ARMC9: variants seen among roughly 807,000 people sequenced by gnomAD.
ARMC9 encodes lisH domain-containing protein ARMC9.
Under a neutral mutation model 107.0 loss-of-function variants are expected in ARMC9, and 94 were observed. The ratio of observed to expected loss-of-function variants is 0.88; its 90% CI spans 0.74 to 1.04. ARMC9 has a LOEUF of 1.04. Ranked by LOEUF, ARMC9 falls within the 50% of genes least tolerant of loss-of-function variation. ARMC9 has a pLI of 0.00. For missense variants in ARMC9, 942 were observed against 1,030.1 expected (o/e 0.91, Z 1.17); for synonymous variants, 380 against 396.9 (o/e 0.96, Z 0.51).
At chr2:231,248,909 C>T (rs979468003) in intron 9 of ARMC9, among the ~76,000 whole-genome samples, 1 of 152,014 alleles carries the variant, frequency 6.6e-6, no homozygotes, top group Non-Finnish European at 1.5e-5. Context: ...GCCCAGTCCC[C>T]TGGCTGAGAT....
At chr2:231,205,246 T>C (rs2031790801) in intron 1 of ARMC9, among the ~76,000 whole-genome samples, 1 of 151,000 alleles carries the variant, frequency 6.6e-6, no homozygotes, top group Non-Finnish European at 1.5e-5. Flanking sequence ...GGCATGCACC[T>C]ATAGTTCTAG....
chr2:231,214,419 C>A (rs1172123708), intron 3 of ARMC9, among the ~76,000 whole-genome samples: 3 of 152,196 alleles, frequency 2.0e-5, no homozygotes, highest in Admixed American at 6.5e-5. Context: ...CAGCAACCTT[C>A]CATGCCTGTG....
At chr2:231,212,211 C>T (rs988681718) in intron 3 of ARMC9, among the ~76,000 whole-genome samples, 1 of 152,166 alleles carries the variant, frequency 6.6e-6, no homozygotes, top group South Asian at 2.1e-4. Flanking sequence ...CACATTTTCT[C>T]ATCTTGTTGA....
intron 3 of ARMC9, among the ~76,000 whole-genome samples, chr2:231,208,905 TTTC>T (rs2032412842): frequency 6.6e-6 from 1 of 151,892 alleles, no homozygotes; most frequent in African/African-American, 2.4e-5. Flanking sequence ...CTCGTTTCTT[TTTC>T]TTTTTTTTTG....
At chr2:231,275,223 G>A (rs1461123790) in intron 14 of ARMC9, among the ~76,000 whole-genome samples, 2 of 152,200 alleles carry the variant, frequency 1.3e-5, no homozygotes. Context: ...AAGCCACCCT[G>A]ATTGGGTCAG....
intron 18 of ARMC9, among the ~76,000 whole-genome samples, chr2:231,291,655 A>T (rs2041004229): frequency 6.6e-6 from 1 of 151,992 alleles, no homozygotes. Context: ...GTCTCTACTA[A>T]AAATACAAAA....
At chr2:231,288,710 C>G (rs749678648) in intron 17 of ARMC9, 6 of 471,098 alleles carry the variant, frequency 1.3e-5, no homozygotes, top group South Asian at 7.7e-5. Flanking sequence ...CTGACAACAT[C>G]AAGGCTGAAA....
chr2:231,292,167 CAAAAAA>C (rs1248110796), intron 18 of ARMC9, among the ~76,000 whole-genome samples: 3 of 56,064 alleles, frequency 5.4e-5, no homozygotes, highest in East Asian at 5.5e-4. Context: ...AACTCCTTCT[CAAAAAA>C]AAAAAAAAAA....
intron 17 of ARMC9, among the ~76,000 whole-genome samples, chr2:231,290,158 C>T (rs1037759719): frequency 3.3e-5 from 5 of 152,186 alleles, no homozygotes; most frequent in Non-Finnish European, 7.3e-5. Context: ...AAATTGTTAT[C>T]CTCATGTTTA....
At chr2:231,203,171 A>G (rs1275130144) in intron 1 of ARMC9, among the ~76,000 whole-genome samples, 2 of 152,074 alleles carry the variant, frequency 1.3e-5, no homozygotes, top group African/African-American at 4.8e-5. Flanking sequence ...GGTTCTTACA[A>G]TACCCACTGA....
At chr2:231,241,269 A>G (rs971681606) in intron 9 of ARMC9, among the ~76,000 whole-genome samples, 2 of 151,922 alleles carry the variant, frequency 1.3e-5, no homozygotes, top group Non-Finnish European at 1.5e-5. Context: ...GATTCGGGTT[A>G]TGCATCCCTG....
intron 13 of ARMC9, 99 bp from the exon 14 acceptor site, chr2:231,272,856 G>T: frequency 2.1e-6 from 3 of 1,424,682 alleles, no homozygotes; most frequent in Non-Finnish European, 2.9e-6. Flanking sequence ...AAACTCTACT[G>T]TGTTATATGC....
At chr2:231,209,204 G>T (rs2032472511) in intron 3 of ARMC9, among the ~76,000 whole-genome samples, 1 of 151,944 alleles carries the variant, frequency 6.6e-6, no homozygotes, top group East Asian at 1.9e-4. Context: ...TGCCCAGCCA[G>T]AACCTCGTTT....
chr2:231,265,898 C>T (rs1394642507), intron 12 of ARMC9, among the ~76,000 whole-genome samples: 1 of 151,224 alleles, frequency 6.6e-6, no homozygotes, highest in African/African-American at 2.4e-5. Context: ...ATCCCAGCTA[C>T]TTGGGAAGCT....
intron 11 of ARMC9, among the ~76,000 whole-genome samples, chr2:231,261,330 G>A (rs984112289): frequency 3.9e-5 from 6 of 152,178 alleles, no homozygotes; most frequent in Admixed American, 2.6e-4. Context: ...TGGACATTGC[G>A]TAAATTTTTA....
Position 231,237,753 on chromosome 2 carries a change from GTATATATATA to G in ARMC9, c.781-2170_781-2161del, listed in dbSNP as rs1226959333. Among the ~76,000 whole-genome samples the G allele has an allele frequency of 3.6e-3, 88 of 24,446 alleles. 1 individual carries two copies. Among genetic ancestry groups the G allele is most frequent in the African/African-American group, 7.0e-3 (52 of 7,378 alleles). 16.0% of individuals were successfully genotyped at this position (24,446 alleles called of 152,430 possible). A position where few individuals can be genotyped will look rare whatever the true frequency, so the allele number is the denominator to read the frequency against. On this transcript the variant is annotated intron_variant, in intron 8 of 24. Transcript: ENST00000611582. ...TTTCATGTATTGTTCTTGGCTATATGTATATATATATATATATATATATATATATTTTTTT... is the reference window on the plus strand; with the variant it reads ...TTTCATGTATTGTTCTTGGCTATATGTATATATATATATATATATTTTTTT...
intron 12 of ARMC9, among the ~76,000 whole-genome samples, chr2:231,265,923 G>A (rs934511821): frequency 2.6e-5 from 4 of 151,724 alleles, no homozygotes; most frequent in Non-Finnish European, 5.9e-5. Flanking sequence ...GCTTGAACCC[G>A]GGAGACTGGG....
intron 19 of ARMC9, among the ~76,000 whole-genome samples, chr2:231,304,465 C>T (rs1443279918): frequency 3.3e-5 from 5 of 152,182 alleles, no homozygotes; most frequent in African/African-American, 9.7e-5. Flanking sequence ...TGCCATCTCT[C>T]GGCCAGCTGC....
intron 16 of ARMC9, among the ~76,000 whole-genome samples, chr2:231,281,508 C>T (rs1292294433): frequency 4.6e-5 from 7 of 152,126 alleles, no homozygotes; most frequent in South Asian, 4.2e-4. Context: ...TGGAAGGTTT[C>T]GGAGATGGAG....
Sources: allele counts gnomAD v4.1 joint callset (sites outside exome capture counted in the v4.1 genomes callset), GRCh38; gene constraint gnomAD v4.1.1; transcripts MANE v1.5; gene names NCBI Gene and HGNC (gene_info 2026-07-23, HGNC 2026-07-21).